The following PAPPA2 variants were observed in gnomAD, a reference collection of about 807,000 sequenced individuals.
The protein encoded by PAPPA2 is pappalysin 2, also known as pappalysin-2.
A neutral mutation model predicts 176.4 loss-of-function variants in PAPPA2; 86 were observed. The ratio of observed to expected loss-of-function variants is 0.49; its 90% CI spans 0.41 to 0.58. PAPPA2 has a LOEUF of 0.58. Among genes scored for constraint, PAPPA2 ranks in the 20% least tolerant of loss-of-function variants. The pLI is 0.00. For synonymous variants in PAPPA2, 809 were observed against 852.2 expected (o/e 0.95, Z 0.88); for missense variants, 2,073 against 2,256.9 (o/e 0.92, Z 1.65).
chr1:176,558,250 A>C (rs1573038880), intron 2 of PAPPA2, among the ~76,000 whole-genome samples: 2 of 152,230 alleles, frequency 1.3e-5, no homozygotes, highest in African/African-American at 4.8e-5. Flanking sequence ...CATGTTTTCC[A>C]GTCCCATTAT....
At chr1:176,800,717 C>G (rs1665645443) in intron 21 of PAPPA2, among the ~76,000 whole-genome samples, 1 of 152,198 alleles carries the variant, frequency 6.6e-6, no homozygotes, top group Non-Finnish European at 1.5e-5. Flanking sequence ...AGGTGGGCAA[C>G]TCTCTCCAGT....
intron 1 of PAPPA2, among the ~76,000 whole-genome samples, chr1:176,514,710 G>C (rs1648809115): frequency 1.3e-5 from 2 of 152,152 alleles, no homozygotes; most frequent in South Asian, 4.1e-4. Context: ...CATTCTTCAT[G>C]GGATGAATCT....
intron 12 of PAPPA2, among the ~76,000 whole-genome samples, chr1:176,728,967 T>TA (rs1662006989): frequency 6.6e-6 from 1 of 151,978 alleles, no homozygotes; most frequent in African/African-American, 2.4e-5. Context: ...TGTGGTATCT[T>TA]ACTTTTGTTA....
At position 176,556,108 on chromosome 1, in the gene PAPPA2, C is replaced by G. The variant is rs1040514291; in HGVS notation, c.-215C>G. On this transcript the variant is annotated 5_prime_UTR_variant, in exon 2 of 23. Transcript: ENST00000367662. ...CGAGAAGCGTGCGGGAAGCACATGC[C>G]CTGGGGAGGCATAGAAGCCACACTG... is the stretch of plus-strand genomic sequence containing the variant. The G allele has an allele frequency of 1.7e-6, 1 of 590,852 alleles. No homozygotes were observed. Among genetic ancestry groups the G allele is most frequent in the East Asian group, 2.8e-5 (1 of 35,576 alleles). 36.6% of individuals were successfully genotyped at this position (590,852 alleles called of 1,614,324 possible). A position where few individuals can be genotyped will look rare whatever the true frequency, so the allele number is the denominator to read the frequency against.
At chr1:176,610,946 T>C (rs999610635) in intron 3 of PAPPA2, among the ~76,000 whole-genome samples, 6 of 152,200 alleles carry the variant, frequency 3.9e-5, no homozygotes, top group Non-Finnish European at 7.3e-5. Context: ...GAGACAGACA[T>C]GTATGCATAT....
chr1:176,581,423 G>A (rs1031062939), intron 2 of PAPPA2, among the ~76,000 whole-genome samples: 2 of 152,012 alleles, frequency 1.3e-5, no homozygotes, highest in Non-Finnish European at 1.5e-5. Flanking sequence ...CTTTTTGCTC[G>A]GGATTGTGTT....
At chr1:176,833,711 T>C (rs1405573411) in intron 21 of PAPPA2, among the ~76,000 whole-genome samples, 2 of 152,210 alleles carry the variant, frequency 1.3e-5, no homozygotes, top group African/African-American at 4.8e-5. Flanking sequence ...ACTTTCTGGC[T>C]GAAACGTAAG....
chr1:176,571,902 CA>C (rs1224687736), intron 2 of PAPPA2, among the ~76,000 whole-genome samples: 1 of 152,156 alleles, frequency 6.6e-6, no homozygotes, highest in Admixed American at 6.5e-5. Flanking sequence ...CTTCTCTGGC[CA>C]CATACTCAGG....
chr1:176,784,058 C>T (rs1002255477), intron 17 of PAPPA2, among the ~76,000 whole-genome samples: 2 of 152,120 alleles, frequency 1.3e-5, no homozygotes, highest in African/African-American at 4.8e-5. Flanking sequence ...AATTGCTGTG[C>T]GAACATTGGG....
chr1:176,632,229 ATGTGTGTGTGTGTGTG>A (rs56939950), intron 3 of PAPPA2, among the ~76,000 whole-genome samples: 4 of 145,536 alleles, frequency 2.7e-5, no homozygotes, highest in South Asian at 4.4e-4. Context: ...ATTAGTAGTG[ATGTGTGTGTGTGTGTG>A]TGTGTGTGTG....
chr1:176,599,227 A>G (rs1429325991), intron 3 of PAPPA2, among the ~76,000 whole-genome samples: 1 of 151,918 alleles, frequency 6.6e-6, no homozygotes, highest in Non-Finnish European at 1.5e-5. Context: ...ACACAAATAT[A>G]TTTGCATATT....
At chr1:176,596,420 C>T (rs977380211) in intron 3 of PAPPA2, among the ~76,000 whole-genome samples, 1 of 152,182 alleles carries the variant, frequency 6.6e-6, no homozygotes, top group Admixed American at 6.5e-5. Flanking sequence ...GTTCCATCTT[C>T]TTGGAATCCT....
At chr1:176,472,535 C>T (rs1339050376) in intron 1 of PAPPA2, among the ~76,000 whole-genome samples, 1 of 152,092 alleles carries the variant, frequency 6.6e-6, no homozygotes. Flanking sequence ...TCAAGAATCC[C>T]TGGTTTCTTT....
rs1661075075 is a variant in PAPPA2, at chr1:176,710,081, G to T, written c.3556G>T (p.Gly1186Ter). The change falls in exon 11 of 23, where the codon GGA (glycine) becomes TGA (stop). Residue 1186 changes from glycine to a stop codon, truncating the protein, a stop_gained. Coordinates refer to ENST00000367662, the MANE Select transcript of PAPPA2 (RefSeq NM_020318.3). LOFTEE classifies it high-confidence loss of function. ...IVDCGIYTPK[G>*]YLDQWATRAY... is the part of the protein sequence containing the mutation. ...AGACTGTGGCATCTACACTCCCAAAGGATACTTGGATCAATGGGCTACCCG... is the reference window on the plus strand; with the variant it reads ...AGACTGTGGCATCTACACTCCCAAATGATACTTGGATCAATGGGCTACCCG... 1.2e-6 allele frequency: 2 copies of T among 1,613,712 alleles called. No homozygotes were observed. Among genetic ancestry groups the T allele is most frequent in the Admixed American group, 3.3e-5 (2 of 59,976 alleles).
chr1:176,773,855 A>G (rs1342068287), intron 17 of PAPPA2, among the ~76,000 whole-genome samples: 2 of 152,158 alleles, frequency 1.3e-5, no homozygotes, highest in South Asian at 2.1e-4. Context: ...CAAAAGAATG[A>G]TAAGTGCTGG....
At chr1:176,796,922 C>A (rs1333778799) in intron 20 of PAPPA2, among the ~76,000 whole-genome samples, 2 of 151,582 alleles carry the variant, frequency 1.3e-5, no homozygotes, top group Non-Finnish European at 2.9e-5. Context: ...CCTCTATTTT[C>A]TTTTCTTCCT....
intron 3 of PAPPA2, among the ~76,000 whole-genome samples, chr1:176,634,806 A>ATAGG (rs1656571990): frequency 8.0e-6 from 1 of 124,752 alleles, no homozygotes; most frequent in African/African-American, 3.1e-5. Flanking sequence ...AGAGAGATAG[A>ATAGG]TAGATAGATA....
intron 21 of PAPPA2, among the ~76,000 whole-genome samples, chr1:176,812,818 G>C (rs1666214373): frequency 6.6e-6 from 1 of 151,628 alleles, no homozygotes; most frequent in African/African-American, 2.4e-5. Flanking sequence ...TACATGTGCA[G>C]GAAGTGCAGG....
intron 3 of PAPPA2, among the ~76,000 whole-genome samples, chr1:176,651,402 T>C (rs1013832510): frequency 1.3e-5 from 2 of 151,620 alleles, no homozygotes; most frequent in African/African-American, 4.8e-5. Flanking sequence ...AGAGACAATA[T>C]ACTTGAATGG....
Sources: gnomAD v4.1 joint callset for allele counts (sites outside exome capture counted in the v4.1 genomes callset) on GRCh38, gnomAD v4.1.1 for gene constraint, MANE v1.5 for transcripts, NCBI Gene and HGNC (gene_info 2026-07-23, HGNC 2026-07-21) for gene names.